The following ZNF407 variants were observed in gnomAD, a reference collection of about 807,000 sequenced individuals.
The protein encoded by ZNF407 is zinc finger protein 407.
A neutral mutation model predicts 131.2 loss-of-function variants in ZNF407; 17 were observed. The ratio of observed to expected loss-of-function variants is 0.13; its 90% CI spans 0.09 to 0.19. The LOEUF is 0.19. Among genes scored for constraint, ZNF407 ranks in the 10% least tolerant of loss-of-function variants. The pLI, the probability that ZNF407 is intolerant of heterozygous loss-of-function variation, is 1.00. For missense variants in ZNF407, 2,681 were observed against 2,830.6 expected, an observed-to-expected ratio of 0.95 and a Z score of 1.20; for synonymous variants, 1,156 against 1,062.0, an observed-to-expected ratio of 1.09 and a Z score of -1.72.
At chr18:74,694,894 T>G (rs1406770594) in intron 3 of ZNF407, among the ~76,000 whole-genome samples, 1 of 152,186 alleles carries the variant, frequency 6.6e-6, no homozygotes, top group Non-Finnish European at 1.5e-5. Context: ...TTTATCATAC[T>G]ATAGAGTTAT....
chr18:74,667,270 A>T (rs1406999565), intron 3 of ZNF407, among the ~76,000 whole-genome samples: 1 of 152,146 alleles, frequency 6.6e-6, no homozygotes, highest in Non-Finnish European at 1.5e-5. Context: ...TGCTTTTGCC[A>T]TTGCCGATCT....
chr18:75,017,880 G>A (rs1973063514), intron 8 of ZNF407, among the ~76,000 whole-genome samples: 1 of 152,122 alleles, frequency 6.6e-6, no homozygotes, highest in Non-Finnish European at 1.5e-5. Context: ...CCAGTGGTGG[G>A]CACCTGCCCC....
intron 3 of ZNF407, among the ~76,000 whole-genome samples, chr18:74,652,894 T>C (rs1285817406): frequency 1.3e-5 from 2 of 152,040 alleles, no homozygotes; most frequent in African/African-American, 4.8e-5. Context: ...AAATTTAAGC[T>C]TGCATTTCAA....
intron 3 of ZNF407, among the ~76,000 whole-genome samples, chr18:74,706,971 A>G (rs1355846735): frequency 7.7e-6 from 1 of 129,728 alleles, no homozygotes; most frequent in South Asian, 2.4e-4. Flanking sequence ...TTTTTTTGAG[A>G]TGGAGTCTCA....
intron 8 of ZNF407, among the ~76,000 whole-genome samples, chr18:74,952,591 GA>G (rs1345846136): frequency 6.6e-6 from 1 of 152,234 alleles, no homozygotes; most frequent in Non-Finnish European, 1.5e-5. Flanking sequence ...CAACCAGAGA[GA>G]ATGGGAGCAG....
At chr18:75,031,044 C>A (rs1034382546) in intron 8 of ZNF407, among the ~76,000 whole-genome samples, 2 of 152,202 alleles carry the variant, frequency 1.3e-5, no homozygotes, top group Non-Finnish European at 2.9e-5. Flanking sequence ...GGCATGCCCC[C>A]ACACACATAG....
intron 3 of ZNF407, among the ~76,000 whole-genome samples, chr18:74,773,622 G>T (rs1400867356): frequency 6.6e-6 from 1 of 152,178 alleles, no homozygotes; most frequent in Non-Finnish European, 1.5e-5. Context: ...ATGCTGTCCT[G>T]CAAAAGCTAA....
At position 74,693,657 on chromosome 18, in the gene ZNF407, A is replaced by G. The variant is rs913286188; in HGVS notation, c.4802+52535A>G. On this transcript the variant is annotated intron_variant, in intron 3 of 8. Transcript: ENST00000299687. ...CTGTTCACTAAGATTTCTCCTTTTT[A>G]GTTGCTTTTCAGCAATTAGTATTTC... Among the ~76,000 whole-genome samples, 3 of 151,954 alleles carry G rather than the reference A, an allele frequency of 2.0e-5. No homozygotes were observed. In the South Asian group the frequency reaches 6.2e-4, roughly 32 times the overall value.
chr18:74,866,463 C>T (rs1193597304), intron 4 of ZNF407, among the ~76,000 whole-genome samples: 1 of 152,118 alleles, frequency 6.6e-6, no homozygotes, highest in Non-Finnish European at 1.5e-5. Context: ...TGGAAAGCTG[C>T]CCTTCCTAAC....
chr18:74,952,276 A>G (rs934253830), intron 8 of ZNF407, among the ~76,000 whole-genome samples: 10 of 152,202 alleles, frequency 6.6e-5, no homozygotes, highest in African/African-American at 2.4e-4. Flanking sequence ...GTATCTTGCA[A>G]TTGGCCTGTG....
At chr18:74,611,972 G>C (rs960169740) in intron 1 of ZNF407, among the ~76,000 whole-genome samples, 1 of 152,148 alleles carries the variant, frequency 6.6e-6, no homozygotes, top group African/African-American at 2.4e-5. Flanking sequence ...TTTGTAAGAG[G>C]AAAGACTGGG....
intron 4 of ZNF407, among the ~76,000 whole-genome samples, chr18:74,854,216 T>C (rs1183040890): frequency 3.3e-5 from 5 of 152,232 alleles, no homozygotes; most frequent in African/African-American, 4.8e-5. Context: ...ATCTGTGTTT[T>C]ACCACTCTCC....
intron 8 of ZNF407, among the ~76,000 whole-genome samples, chr18:74,976,499 T>G (rs1228534543): frequency 1.3e-5 from 2 of 152,188 alleles, no homozygotes; most frequent in African/African-American, 2.4e-5. Flanking sequence ...AAGTCCAGAT[T>G]TCCTGTGCTG....
Position 75,065,583 on chromosome 18 carries a change from A to T in ZNF407, c.*1115A>T, listed in dbSNP as rs1253501871. On this transcript the variant is annotated 3_prime_UTR_variant, in exon 9 of 9. Transcript: ENST00000299687. ...TACAATTGTTCTTATTCTTTTCCAA[A>T]ACTGTAAAATAATCTCCTCCCTCAA... 1 of 152,168 alleles carries T rather than the reference A, an allele frequency of 6.6e-6. No individual in the cohort carries two copies. The highest frequency in any genetic ancestry group is 1.9e-4 in the East Asian group (1 of 5,198). 9.4% of individuals were successfully genotyped at this position (152,168 alleles called of 1,614,324 possible).
intron 3 of ZNF407, among the ~76,000 whole-genome samples, chr18:74,780,642 T>C (rs892356246): frequency 3.0e-4 from 45 of 152,300 alleles, no homozygotes; most frequent in African/African-American, 9.9e-4. Context: ...GTTACAGCAG[T>C]AAATTTTTTT....
intron 6 of ZNF407, among the ~76,000 whole-genome samples, chr18:74,889,469 C>G (rs1241693201): frequency 6.6e-6 from 1 of 152,040 alleles, no homozygotes; most frequent in African/African-American, 2.4e-5. Flanking sequence ...CCATTTGTAG[C>G]TTGATTTTAT....
chr18:74,774,339 A>AT (rs1398215919), intron 3 of ZNF407, among the ~76,000 whole-genome samples: 45 of 152,346 alleles, frequency 3.0e-4, no homozygotes, highest in African/African-American at 1.0e-3. Flanking sequence ...ATGGGTGCCT[A>AT]TGCCATTGGG....
intron 3 of ZNF407, among the ~76,000 whole-genome samples, chr18:74,775,933 C>T (rs1969461221): frequency 6.6e-6 from 1 of 152,138 alleles, no homozygotes; most frequent in South Asian, 2.1e-4. Flanking sequence ...TCTACAGTAC[C>T]GAGGCTGACG....
At chr18:74,642,323 G>A (rs547316310) in intron 3 of ZNF407, among the ~76,000 whole-genome samples, 1 of 152,098 alleles carries the variant, frequency 6.6e-6, no homozygotes, top group African/African-American at 2.4e-5. Flanking sequence ...CAAGGGTCAG[G>A]TGTCAAATGG....
Sources: gnomAD v4.1 joint callset for allele counts (sites outside exome capture counted in the v4.1 genomes callset) on GRCh38, gnomAD v4.1.1 for gene constraint, MANE v1.5 for transcripts, NCBI Gene and HGNC (gene_info 2026-07-23, HGNC 2026-07-21) for gene names.